The following CSTPP1 variants were observed in gnomAD, a reference collection of about 807,000 sequenced individuals.
The protein encoded by CSTPP1 is centriolar satellite-associated tubulin polyglutamylase complex regulator 1, also known as UPF0705 protein C11orf49.
the CSTPP1 span, among the ~76,000 whole-genome samples, chr11:46,997,128 T>C: frequency 6.6e-6 from 1 of 152,378 alleles, no homozygotes; most frequent in Middle Eastern, 3.4e-3. Context: ...GAAGTTCTCC[T>C]GGATAATATC....
the CSTPP1 span, chr11:47,157,884 T>C: frequency 1.2e-6 from 2 of 1,614,122 alleles, no homozygotes; most frequent in Non-Finnish European, 1.7e-6. Flanking sequence ...GGATTCCTCA[T>C]GGCTCTCTCA....
At chr11:46,983,182 A>C in the CSTPP1 span, among the ~76,000 whole-genome samples, 2 of 152,202 alleles carry the variant, frequency 1.3e-5, no homozygotes, top group African/African-American at 4.8e-5. Flanking sequence ...TATTCTTAGA[A>C]TCATACCCAT....
At chr11:47,017,173 AT>A in the CSTPP1 span, among the ~76,000 whole-genome samples, 53,076 of 82,160 alleles carry the variant, frequency 0.65, 15,731 homozygotes, top group African/African-American at 0.7. Flanking sequence ...AATTCTATGA[AT>A]TTTTTTTTTT....
the CSTPP1 span, chr11:47,161,395 TG>T: frequency 1.3e-6 from 2 of 1,599,900 alleles, no homozygotes; most frequent in Admixed American, 1.8e-5. Flanking sequence ...GTGTTAAGAG[TG>T]GGCATGGAGG....
chr11:46,960,616 C>T, the CSTPP1 span, among the ~76,000 whole-genome samples: 7 of 152,020 alleles, frequency 4.6e-5, no homozygotes, highest in South Asian at 2.1e-4. Context: ...TTTGGGAGGC[C>T]GAGGTGGGTA....
At chr11:46,959,865 ATTT>A in the CSTPP1 span, among the ~76,000 whole-genome samples, 2 of 134,044 alleles carry the variant, frequency 1.5e-5, no homozygotes, top group Non-Finnish European at 1.6e-5. Context: ...GGTTTAAATA[ATTT>A]TTTTTTTTTT....
At chr11:47,107,846 C>T in the CSTPP1 span, among the ~76,000 whole-genome samples, 36,562 of 150,780 alleles carry the variant, frequency 0.24, 5,105 homozygotes, top group East Asian at 0.65. Context: ...GGAAACTGCT[C>T]GGTACAATTC....
the CSTPP1 span, among the ~76,000 whole-genome samples, chr11:47,138,702 A>G: frequency 6.6e-6 from 1 of 151,832 alleles, no homozygotes; most frequent in Non-Finnish European, 1.5e-5. Context: ...GCTAGGCCAG[A>G]CACGGTGGCT....
the CSTPP1 span, among the ~76,000 whole-genome samples, chr11:47,021,762 A>C: frequency 1.3e-5 from 2 of 152,220 alleles, no homozygotes; most frequent in Non-Finnish European, 2.9e-5. Flanking sequence ...GCTCTCAAGA[A>C]AGATAAAGTG....
At chr11:46,982,850 C>G in the CSTPP1 span, among the ~76,000 whole-genome samples, 2 of 152,140 alleles carry the variant, frequency 1.3e-5, no homozygotes, top group South Asian at 4.1e-4. Flanking sequence ...GTGCCAAGCA[C>G]TATTCTAAGA....
chr11:47,069,595 G>A, the CSTPP1 span, among the ~76,000 whole-genome samples: 5 of 152,262 alleles, frequency 3.3e-5, no homozygotes, highest in East Asian at 5.8e-4. Flanking sequence ...AGAGAGGGAC[G>A]TATAATACTT....
chr11:47,017,173 ATT>A, the CSTPP1 span, among the ~76,000 whole-genome samples: 996 of 82,210 alleles, frequency 0.012, 8 homozygotes, highest in Middle Eastern at 0.045. Flanking sequence ...AATTCTATGA[ATT>A]TTTTTTTTTT....
chr11:47,046,706 A>G, the CSTPP1 span, among the ~76,000 whole-genome samples: 2 of 103,478 alleles, frequency 1.9e-5, no homozygotes, highest in African/African-American at 3.9e-5. Context: ...TCACTCTGCC[A>G]CCCAGGCTGG....
At chr11:47,067,218 C>T in the CSTPP1 span, among the ~76,000 whole-genome samples, 1 of 152,102 alleles carries the variant, frequency 6.6e-6, no homozygotes, top group Admixed American at 6.5e-5. Flanking sequence ...TGTTTCAAAG[C>T]TGAGTTGCTC....
the CSTPP1 span, among the ~76,000 whole-genome samples, chr11:47,048,115 C>G: frequency 3.3e-5 from 5 of 152,224 alleles, no homozygotes; most frequent in East Asian, 9.6e-4. Context: ...AAAGGTTAAA[C>G]CTATAACTAC....
the CSTPP1 span, among the ~76,000 whole-genome samples, chr11:47,039,838 C>CA: frequency 2.3e-5 from 3 of 128,172 alleles, 1 homozygote; most frequent in Admixed American, 1.7e-4. Flanking sequence ...GACTCCGTCT[C>CA]AAAAAAACAA....
the CSTPP1 span, among the ~76,000 whole-genome samples, chr11:46,983,594 G>GT: frequency 6.6e-6 from 1 of 152,034 alleles, no homozygotes; most frequent in Admixed American, 6.5e-5. Flanking sequence ...CAGGTGTGCT[G>GT]TTTTTTATTC....
the CSTPP1 span, among the ~76,000 whole-genome samples, chr11:47,018,967 T>C: frequency 2.6e-5 from 4 of 152,196 alleles, no homozygotes; most frequent in Admixed American, 6.5e-5. Context: ...GCATTTAGCT[T>C]GTATTTTCAT....
chr11:47,065,282 A>G, the CSTPP1 span, among the ~76,000 whole-genome samples: 2 of 151,804 alleles, frequency 1.3e-5, no homozygotes, highest in Non-Finnish European at 2.9e-5. Flanking sequence ...ATGTGTTTCC[A>G]TTTATTTAGG....
Sources: allele counts gnomAD v4.1 joint callset (sites outside exome capture counted in the v4.1 genomes callset), GRCh38; gene constraint gnomAD v4.1.1; transcripts MANE v1.5; gene names NCBI Gene and HGNC (gene_info 2026-07-23, HGNC 2026-07-21).